Variants in PDS5B observed in about 807,000 individuals in gnomAD.
The protein encoded by PDS5B is PDS5 cohesin associated factor B.
In PDS5B, 51 loss-of-function variants were observed where a neutral mutation model predicts 184.1. That is an observed-to-expected ratio of 0.28 (90% CI 0.22 to 0.35). The LOEUF (loss-of-function observed/expected upper bound fraction) is 0.35, where lower values mean the gene tolerates loss of function less well. PDS5B is among the 10% of genes least tolerant of loss of function. The pLI is 1.00. For synonymous variants in PDS5B, 566 were observed against 569.2 expected, an observed-to-expected ratio of 0.99 and a Z score of 0.08; for missense variants, 1,180 against 1,723.3, an observed-to-expected ratio of 0.68 and a Z score of 5.58.
At chr13:32,651,430 A>G (rs1456390124) in intron 2 of PDS5B, among the ~76,000 whole-genome samples, 1 of 152,174 alleles carries the variant, frequency 6.6e-6, no homozygotes, top group African/African-American at 2.4e-5. Flanking sequence ...AGGATTAGAA[A>G]TATTATTTTT....
chr13:32,749,830 T>TG (rs746449602), intron 24 of PDS5B, among the ~76,000 whole-genome samples: 15 of 151,456 alleles, frequency 9.9e-5, no homozygotes, highest in East Asian at 3.9e-4. Flanking sequence ...GAACTTTATC[T>TG]GGGGGGGCGG....
chr13:32,655,192 CAT>C (rs1950470216), intron 3 of PDS5B, among the ~76,000 whole-genome samples: 1 of 119,210 alleles, frequency 8.4e-6, no homozygotes, highest in Admixed American at 8.6e-5. Context: ...CAGCATCTGT[CAT>C]TTTTTTTTTG....
chr13:32,628,380 C>T (rs1020986352), intron 1 of PDS5B, among the ~76,000 whole-genome samples: 1 of 151,512 alleles, frequency 6.6e-6, no homozygotes, highest in Admixed American at 6.6e-5. Flanking sequence ...AAGGTGAAAC[C>T]CCGTCTCTAC....
intron 19 of PDS5B, among the ~76,000 whole-genome samples, chr13:32,722,188 C>T (rs1474290392): frequency 6.6e-6 from 1 of 152,204 alleles, no homozygotes; most frequent in African/African-American, 2.4e-5. Flanking sequence ...AACCCCGTCT[C>T]CACCAAAAAA....
intron 1 of PDS5B, among the ~76,000 whole-genome samples, chr13:32,633,955 A>G (rs184266050): frequency 6.3e-4 from 96 of 152,278 alleles, no homozygotes; most frequent in African/African-American, 1.6e-3. Context: ...ATGTTATGCA[A>G]TGCCTCCTGG....
chr13:32,590,904 G>A (rs1221445837), intron 1 of PDS5B, among the ~76,000 whole-genome samples: 1 of 151,382 alleles, frequency 6.6e-6, no homozygotes, highest in Non-Finnish European at 1.5e-5. Context: ...TACTCTATTA[G>A]GGGAATAGAG....
At chr13:32,602,992 T>C (rs1206703151) in intron 1 of PDS5B, among the ~76,000 whole-genome samples, 2 of 152,246 alleles carry the variant, frequency 1.3e-5, no homozygotes, top group Non-Finnish European at 2.9e-5. Flanking sequence ...TTCTGGATAT[T>C]AGCCCTTTGT....
chr13:32,740,935 G>A (rs1010378431), intron 21 of PDS5B, 145 bp from the exon 22 acceptor site: 5 of 582,604 alleles, frequency 8.6e-6, no homozygotes, highest in Non-Finnish European at 1.5e-5. Context: ...AAAGTAAATA[G>A]GGTTAGATGA....
chr13:32,598,366 C>T (rs1232296692), intron 1 of PDS5B, among the ~76,000 whole-genome samples: 1 of 151,952 alleles, frequency 6.6e-6, no homozygotes, highest in East Asian at 1.9e-4. Context: ...AGCCACCGCG[C>T]CTGGCCAGGA....
rs936457269 is a variant in PDS5B at position 32,694,227 on chromosome 13, T to C, written c.1474T>C (p.Leu492=). The C allele has an allele frequency of 8.1e-6, 13 of 1,599,412 alleles. 1 individual carries two copies. Among genetic ancestry groups the C allele is most frequent in the African/African-American group, 5.4e-5 (4 of 74,236 alleles). Residue 492 remains leucine (L), a synonymous_variant, in exon 14 of 35, where the codon TTG becomes CTG. Transcript: ENST00000315596. ...ATLDLNAVKA[L]NEMWKCQNLL... Reference sequence around the variant, plus strand: ...GTGTATGTTTGTGTTTTTCAGAGCATTGAATGAAATGTGGAAATGTCAAAA... The same window carrying C: ...GTGTATGTTTGTGTTTTTCAGAGCACTGAATGAAATGTGGAAATGTCAAAA...
chr13:32,707,479 T>C (rs1025567625), intron 18 of PDS5B, among the ~76,000 whole-genome samples: 1 of 151,826 alleles, frequency 6.6e-6, no homozygotes, highest in African/African-American at 2.4e-5. Flanking sequence ...GTTTCTTTTG[T>C]TTCCTTTTAA....
chr13:32,716,976 T>G (rs1952463334), intron 19 of PDS5B, among the ~76,000 whole-genome samples: 3 of 104,026 alleles, frequency 2.9e-5, no homozygotes, highest in Non-Finnish European at 4.0e-5. Flanking sequence ...GGTGGGGGGG[T>G]CAGTCCCCCG....
chr13:32,767,279 A>G (rs1954615035), intron 31 of PDS5B, among the ~76,000 whole-genome samples: 1 of 152,164 alleles, frequency 6.6e-6, no homozygotes, highest in African/African-American at 2.4e-5. Flanking sequence ...AGTTTTGTCT[A>G]TTTTAAATCA....
At chr13:32,631,009 G>A (rs914784229) in intron 1 of PDS5B, among the ~76,000 whole-genome samples, 2 of 151,896 alleles carry the variant, frequency 1.3e-5, no homozygotes, top group African/African-American at 4.8e-5. Context: ...GGCCAGGCTG[G>A]TCTCGAACTC....
intron 2 of PDS5B, 121 bp from the exon 3 acceptor site, chr13:32,651,683 C>G (rs1035879544): frequency 3.3e-6 from 2 of 599,618 alleles, no homozygotes; most frequent in African/African-American, 1.8e-5. Context: ...TAGAGACTTT[C>G]TGCAGAAAAA....
At chr13:32,703,789 T>A (rs1200890259) in intron 17 of PDS5B, among the ~76,000 whole-genome samples, 1 of 152,194 alleles carries the variant, frequency 6.6e-6, no homozygotes, top group Non-Finnish European at 1.5e-5. Context: ...TATAGGTGAA[T>A]GAAGAGATGT....
chr13:32,598,765 T>TC (rs1491511273), intron 1 of PDS5B, among the ~76,000 whole-genome samples: 5 of 137,564 alleles, frequency 3.6e-5, no homozygotes, highest in Non-Finnish European at 6.5e-5. Context: ...TGGTTTTTTT[T>TC]CTCTCTTTTT....
In PDS5B at chr13:32,744,355, A is replaced by G. The variant is rs534470057; in HGVS notation, c.2613-1622A>G. On this transcript the variant is annotated intron_variant, in intron 23 of 34. Transcript: ENST00000315596. Reference sequence around the variant, plus strand: ...TATTTAGGGGCAGCCTAGAGTTGGAATAAGAATTTTTTCTGGTAGAGACAT... The same window carrying G: ...TATTTAGGGGCAGCCTAGAGTTGGAGTAAGAATTTTTTCTGGTAGAGACAT... Among the ~76,000 whole-genome samples, 11 of 152,274 alleles carry G rather than the reference A, an allele frequency of 7.2e-5. No homozygotes were observed. In the South Asian group the frequency reaches 8.3e-4, roughly 11 times the overall value.
At chr13:32,768,312 C>G (rs1954649360) in intron 31 of PDS5B, among the ~76,000 whole-genome samples, 1 of 152,066 alleles carries the variant, frequency 6.6e-6, no homozygotes, top group African/African-American at 2.4e-5. Flanking sequence ...AGAAAGGCAC[C>G]CAAGCTCACT....
Sources: gnomAD v4.1 joint callset for allele counts (sites outside exome capture counted in the v4.1 genomes callset) on GRCh38, gnomAD v4.1.1 for gene constraint, MANE v1.5 for transcripts, NCBI Gene and HGNC (gene_info 2026-07-23, HGNC 2026-07-21) for gene names.